Variants in GIGYF2 observed in about 807,000 individuals in gnomAD.
The protein encoded by GIGYF2 is GRB10-interacting GYF protein 2.
A neutral mutation model predicts 208.1 loss-of-function variants in GIGYF2; 25 were observed. The observed-to-expected ratio is 0.12, with a 90% CI of 0.09 to 0.17. The LOEUF (loss-of-function observed/expected upper bound fraction) is 0.17. GIGYF2 is among the 10% of genes least tolerant of loss of function. GIGYF2 has a pLI of 1.00. For missense variants in GIGYF2, 1,302 were observed against 1,579.4 expected (o/e 0.82, Z 2.98); for synonymous variants, 534 against 543.8 (o/e 0.98, Z 0.25).
chr2:232,734,010 T>C (rs1206977064), intron 2 of GIGYF2, among the ~76,000 whole-genome samples: 1 of 152,014 alleles, frequency 6.6e-6, no homozygotes, highest in African/African-American at 2.4e-5. Flanking sequence ...TTAAGATTAC[T>C]TTTGAAATGT....
chr2:232,711,765 C>T (rs1301548037), intron 2 of GIGYF2, among the ~76,000 whole-genome samples: 5 of 143,192 alleles, frequency 3.5e-5, no homozygotes, highest in Admixed American at 2.9e-4. Context: ...CAGATAATTG[C>T]AGATATTCTT....
rs983081434 is a variant in GIGYF2, at chr2:232,754,689, C to T, written c.268-1534C>T. Among the ~76,000 whole-genome samples the T allele has an allele frequency of 2.0e-5, 3 of 152,000 alleles. No individual in the cohort carries two copies. In the East Asian group the frequency reaches 5.8e-4, roughly 29 times the overall value. On this transcript the variant is annotated intron_variant, in intron 5 of 28. Transcript: ENST00000373563. Reference sequence around the variant, plus strand: ...AATACCCAGAGACATTATTTAGTACCCCACTGCTTACTCTGTGCTAAAAGG... The same window carrying T: ...AATACCCAGAGACATTATTTAGTACTCCACTGCTTACTCTGTGCTAAAAGG...
chr2:232,784,586 T>G (rs1276927288), intron 8 of GIGYF2, among the ~76,000 whole-genome samples: 1 of 142,310 alleles, frequency 7.0e-6, no homozygotes, highest in African/African-American at 2.6e-5. Context: ...GAGATGGGGT[T>G]TCATCGTGTT....
At chr2:232,725,976 G>A (rs576215100) in intron 2 of GIGYF2, among the ~76,000 whole-genome samples, 2 of 152,340 alleles carry the variant, frequency 1.3e-5, no homozygotes, top group East Asian at 1.9e-4. Context: ...GAGACCGGGA[G>A]AGCTCAGGAC....
At chr2:232,748,814 T>A (rs749660476) in intron 4 of GIGYF2, among the ~76,000 whole-genome samples, 173 bp from the exon 5 acceptor site, 6 of 152,136 alleles carry the variant, frequency 3.9e-5, no homozygotes, top group Non-Finnish European at 7.3e-5. Flanking sequence ...TAATATTGAC[T>A]CTCTCAAAAT....
chr2:232,855,080 CTTTTTTTTTT>C (rs201395041), intron 28 of GIGYF2, among the ~76,000 whole-genome samples: 9 of 109,188 alleles, frequency 8.2e-5, no homozygotes, highest in Non-Finnish European at 1.4e-4. Flanking sequence ...CTTTTTCTTT[CTTTTTTTTTT>C]TTTTTTTTTT....
intron 14 of GIGYF2, among the ~76,000 whole-genome samples, chr2:232,801,660 T>G (rs916631101): frequency 6.6e-6 from 1 of 152,228 alleles, no homozygotes; most frequent in Non-Finnish European, 1.5e-5. Flanking sequence ...TACTTGGCAG[T>G]GTTTTTTAAG....
At chr2:232,712,181 AG>A (rs1696450725) in intron 2 of GIGYF2, among the ~76,000 whole-genome samples, 1 of 152,174 alleles carries the variant, frequency 6.6e-6, no homozygotes, top group South Asian at 2.1e-4. Context: ...TGAAAAAAAA[AG>A]TCTGCTACAT....
At chr2:232,812,333 T>C in intron 17 of GIGYF2, 58 bp from the exon 18 acceptor site, 2 of 484,304 alleles carry the variant, frequency 4.1e-6, no homozygotes, top group Non-Finnish European at 7.5e-6. Flanking sequence ...CTCTTCATCT[T>C]TTTTTTTTTT....
intron 5 of GIGYF2, among the ~76,000 whole-genome samples, chr2:232,753,878 A>G (rs1008220563): frequency 3.3e-5 from 5 of 151,966 alleles, no homozygotes; most frequent in African/African-American, 1.2e-4. Context: ...TAAGAAATAG[A>G]TTTGTGGCCC....
At chr2:232,783,986 C>A (rs1021758891) in intron 8 of GIGYF2, among the ~76,000 whole-genome samples, 2 of 152,212 alleles carry the variant, frequency 1.3e-5, no homozygotes, top group Non-Finnish European at 2.9e-5. Context: ...CCACGCCCAG[C>A]CTCAGATCTA....
At chr2:232,781,104 C>T (rs957790676) in intron 8 of GIGYF2, among the ~76,000 whole-genome samples, 1 of 151,928 alleles carries the variant, frequency 6.6e-6, no homozygotes, top group African/African-American at 2.4e-5. Flanking sequence ...ACTACAGGCG[C>T]ACACTACCAG....
chr2:232,729,750 C>A, intron 2 of GIGYF2: 1 of 751,854 alleles, frequency 1.3e-6, no homozygotes, highest in South Asian at 1.4e-5. Flanking sequence ...TCTGTCTTAT[C>A]ATCCCAAGGT....
chr2:232,760,981 A>G (rs1416138480), intron 7 of GIGYF2, among the ~76,000 whole-genome samples: 2 of 152,022 alleles, frequency 1.3e-5, no homozygotes, highest in African/African-American at 4.8e-5. Context: ...CACTATGATG[A>G]TATTTATAAT....
At chr2:232,819,504 G>T (rs1701013411) in intron 20 of GIGYF2, among the ~76,000 whole-genome samples, 1 of 152,110 alleles carries the variant, frequency 6.6e-6, no homozygotes, top group Non-Finnish European at 1.5e-5. Context: ...GATACCAGTG[G>T]AGAAACAAAG....
At position 232,839,910 on chromosome 2, in the gene GIGYF2, C is replaced by T. The variant is rs1421888750; in HGVS notation, c.2828C>T (p.Thr943Met). The T allele has an allele frequency of 5.6e-6, 9 of 1,613,362 alleles. No homozygotes were observed. The highest frequency in any genetic ancestry group is 1.3e-5 in the African/African-American group (1 of 74,900). The change falls in exon 23 of 29, where the codon ACG becomes ATG. Residue 943 changes from threonine (T) to methionine (M), a missense_variant. Around this residue, in one of 8 missense-constraint regions of GIGYF2, gnomAD observed 701 missense variants for 793.0 expected, o/e 0.88. Transcript: ENST00000373563. ...ACAACAGCATGTCAGTCCCAGGCCA[C>T]GCTGTCGTTGGCTGAAATCCAAAAA... ...SNTTACQSQA[T>M]LSLAEIQKLE...
At chr2:232,815,454 G>A (rs78635490) in intron 18 of GIGYF2, among the ~76,000 whole-genome samples, 183 bp from the exon 19 acceptor site, 1,842 of 152,282 alleles carry the variant, frequency 0.012, 42 homozygotes, top group African/African-American at 0.042. Context: ...CATTCTAGAT[G>A]TGTTGAAGGA....
At chr2:232,737,236 A>T (rs1203686057) in intron 3 of GIGYF2, among the ~76,000 whole-genome samples, 1 of 152,220 alleles carries the variant, frequency 6.6e-6, no homozygotes, top group African/African-American at 2.4e-5. Context: ...ATCTTTCAAT[A>T]GTATCTTACA....
intron 22 of GIGYF2, among the ~76,000 whole-genome samples, chr2:232,836,684 C>G (rs1000962793): frequency 6.6e-6 from 1 of 151,298 alleles, no homozygotes; most frequent in Non-Finnish European, 1.5e-5. Context: ...GTTTTGACTC[C>G]GGGAGGATTT....
Sources: allele counts gnomAD v4.1 joint callset (sites outside exome capture counted in the v4.1 genomes callset), GRCh38; gene constraint gnomAD v4.1.1; regional missense constraint gnomAD v4.1.1; transcripts MANE v1.5; gene names NCBI Gene and HGNC (gene_info 2026-07-23, HGNC 2026-07-21).